Variants in SH3BP5L observed in about 807,000 individuals in gnomAD.
The protein encoded by SH3BP5L is SH3 binding domain protein 5 like, also known as SH3 domain-binding protein 5-like.
A neutral mutation model predicts 40.9 loss-of-function variants in SH3BP5L; 16 were observed. That is an observed-to-expected ratio of 0.39 (90% confidence interval 0.27 to 0.59). The LOEUF (loss-of-function observed/expected upper bound fraction) is 0.59. Ranked by LOEUF, SH3BP5L falls within the 20% of genes least tolerant of loss-of-function variation. The pLI is 0.53. For synonymous variants in SH3BP5L, 229 were observed against 226.7 expected (o/e 1.01, Z -0.09); for missense variants, 471 against 544.6 (o/e 0.86, Z 1.35).
rs754301029 is a variant in SH3BP5L, at chr1:248,814,543, C to T, written c.443G>A (p.Arg148Gln). The T allele has an allele frequency of 1.2e-6, 2 of 1,614,214 alleles. No homozygotes were observed. The highest frequency in any genetic ancestry group is 3.3e-5 in the Admixed American group (2 of 60,030). Residue 148 changes from arginine (R) to glutamine (Q), a missense_variant, in exon 5 of 7, where the codon CGA (arginine) becomes CAA (glutamine). Physicochemically the swap from Arg to Gln is conservative, Grantham distance 43 (BLOSUM62 1). Transcript: ENST00000366472. The part of the protein sequence containing the change: ...ERAVSMHNAA[R>Q]EMVFVAEQGV... ...CTGCTCAGCCACAAACACCATTTCT[C>T]GAGCAGCGTTGTGCATGCTTACGGC... is the stretch of plus-strand genomic sequence containing the variant.
intron 5 of SH3BP5L, 62 bp from the exon 6 acceptor site, chr1:248,813,224 G>A: frequency 4.2e-6 from 6 of 1,434,328 alleles, no homozygotes; most frequent in Non-Finnish European, 5.5e-6. Context: ...ATCTGCCCCA[G>A]GCTGCCAATC....
chr1:248,814,700 G>A (rs761289478), intron 4 of SH3BP5L, 90 bp from the exon 5 acceptor site: 3 of 1,351,830 alleles, frequency 2.2e-6, no homozygotes, highest in Non-Finnish European at 3.2e-6. Flanking sequence ...AAGAGAAGGA[G>A]GAAGGCCTAC....
At chr1:248,819,257 G>GTAGA (rs1353406830) in intron 2 of SH3BP5L, among the ~76,000 whole-genome samples, 2 of 152,108 alleles carry the variant, frequency 1.3e-5, no homozygotes, top group African/African-American at 4.8e-5. Context: ...CTACAACAGT[G>GTAGA]TAGACCCTGC....
intron 4 of SH3BP5L, 182 bp downstream of exon 4, chr1:248,816,352 G>C: frequency 1.6e-6 from 1 of 630,180 alleles, no homozygotes; most frequent in Non-Finnish European, 2.7e-6. Flanking sequence ...TAGACCATAA[G>C]CCCAGAGCCC....
chr1:248,817,792 G>A (rs2103015887), intron 2 of SH3BP5L, among the ~76,000 whole-genome samples: 1 of 152,290 alleles, frequency 6.6e-6, no homozygotes, highest in South Asian at 2.1e-4. Context: ...GGCAGAGGCT[G>A]CAGTGAGCCA....
intron 2 of SH3BP5L, among the ~76,000 whole-genome samples, chr1:248,822,941 G>T (rs959866845): frequency 6.6e-6 from 1 of 152,136 alleles, no homozygotes; most frequent in Non-Finnish European, 1.5e-5. Flanking sequence ...TGGGATTACA[G>T]GTGTGAGCCA....
chr1:248,822,015 C>T (rs1041995488), intron 2 of SH3BP5L, among the ~76,000 whole-genome samples: 2 of 152,166 alleles, frequency 1.3e-5, no homozygotes, highest in African/African-American at 4.8e-5. Context: ...ACATCAGAAT[C>T]CCTTCTCACC....
intron 2 of SH3BP5L, chr1:248,820,416 C>G (rs975250702): frequency 4.6e-5 from 7 of 152,252 alleles, no homozygotes; most frequent in Admixed American, 3.3e-4. Flanking sequence ...CCTGGGGGCC[C>G]AGCTTCCTGG....
intron 4 of SH3BP5L, chr1:248,815,969 TCAC>T (rs1381752286): frequency 1.9e-5 from 3 of 155,176 alleles, no homozygotes; most frequent in Non-Finnish European, 4.3e-5. Context: ...ATCTGTCACC[TCAC>T]CATACAGGAT....
intron 2 of SH3BP5L, among the ~76,000 whole-genome samples, chr1:248,819,942 T>TA (rs1196788744): frequency 1.3e-5 from 2 of 152,140 alleles, no homozygotes; most frequent in East Asian, 3.9e-4. Context: ...TAAAAAAATT[T>TA]AAAAAAAGAG....
At chr1:248,817,114 G>A (rs1664131049) in intron 2 of SH3BP5L, 1 of 1,395,200 alleles carries the variant, frequency 7.2e-7, no homozygotes, top group Non-Finnish European at 9.7e-7. Flanking sequence ...GTATTGGGTA[G>A]TAAAACCCCA....
In SH3BP5L at chr1:248,811,774, T is replaced by G. The variant is rs911142245; in HGVS notation, c.*126A>C. ...AGAGGACTCGAACACAGCTGGCCTC[T>G]CCCAGGGAAGCACTGGAGAAGGGGA... On this transcript the variant is annotated 3_prime_UTR_variant, in exon 7 of 7. Coordinates refer to ENST00000366472, the MANE Select transcript of SH3BP5L (RefSeq NM_030645.3). 14 of 723,906 alleles carry G rather than the reference T, an allele frequency of 1.9e-5. No individual in the cohort carries two copies. Among genetic ancestry groups the G allele is most frequent in the Non-Finnish European group, 2.2e-5 (10 of 452,364 alleles). 44.8% of individuals were successfully genotyped at this position (723,906 alleles called of 1,614,324 possible).
At chr1:248,820,469 C>T (rs542354511) in intron 2 of SH3BP5L, 2 of 152,222 alleles carry the variant, frequency 1.3e-5, no homozygotes, top group East Asian at 1.9e-4. Context: ...ATCTGGGAGA[C>T]GAGTGACCAG....
At chr1:248,815,238 T>C (rs372759670) in intron 4 of SH3BP5L, among the ~76,000 whole-genome samples, 1 of 152,210 alleles carries the variant, frequency 6.6e-6, no homozygotes, top group Admixed American at 6.5e-5. Context: ...GATCACACCA[T>C]TGCACTCCAG....
chr1:248,818,571 G>A (rs912336639), intron 2 of SH3BP5L, among the ~76,000 whole-genome samples: 1 of 152,242 alleles, frequency 6.6e-6, no homozygotes, highest in Non-Finnish European at 1.5e-5. Context: ...GATCCTGTGG[G>A]AGGGAGGGAG....
chr1:248,817,376 A>G (rs186980399), intron 2 of SH3BP5L, among the ~76,000 whole-genome samples: 22 of 152,284 alleles, frequency 1.4e-4, no homozygotes, highest in Non-Finnish European at 1.0e-4. Flanking sequence ...CAGGACATAG[A>G]GGTGGCAGCC....
rs766843872 is a variant in SH3BP5L at position 248,821,139 on chromosome 1, T to G, written c.183+3614A>C. 1.3e-5 allele frequency: 2 copies of G among 152,328 alleles called. No homozygotes were observed. Among genetic ancestry groups the G allele is most frequent in the Non-Finnish European group, 2.9e-5 (2 of 68,200 alleles). The allele number at this position is 152,328 out of a possible 1,614,324, so 9.4% of individuals were successfully genotyped here. A position where few individuals can be genotyped will look rare whatever the true frequency, so the allele number is the denominator to read the frequency against. ...AAGGTCACCACAGGAGGGAGGGGGA[T>G]AGCCCACCTAGGCGACACCCAGGGA... On this transcript the variant is annotated intron_variant, in intron 2 of 6. Coordinates refer to ENST00000366472, the MANE Select transcript of SH3BP5L (RefSeq NM_030645.3). This position sits in a 1 kb window ranked among gnomAD's most constrained non-coding sequence, Gnocchi z 4.6.
chr1:248,820,857 T>C (rs1274761963), intron 2 of SH3BP5L: 1 of 152,198 alleles, frequency 6.6e-6, no homozygotes, highest in Non-Finnish European at 1.5e-5. Flanking sequence ...GTCATCAACT[T>C]CCAGCTCCTG....
In SH3BP5L at chr1:248,824,969, G is replaced by A. The variant is rs1468769578; in HGVS notation, c.-34C>T. The A allele has an allele frequency of 1.9e-6, 3 of 1,586,450 alleles. No individual in the cohort carries two copies. The highest frequency in any genetic ancestry group is 1.1e-5 in the South Asian group (1 of 87,712). On this transcript the variant is annotated 5_prime_UTR_variant, in exon 2 of 7. Transcript: ENST00000366472. Reference sequence around the variant, plus strand: ...GGGGAGGGCAGAGCCCTATGCACAAGAGAGGACTGACATGCTGGGACCAGG... The same window carrying A: ...GGGGAGGGCAGAGCCCTATGCACAAAAGAGGACTGACATGCTGGGACCAGG...
Sources: allele counts gnomAD v4.1 joint callset (sites outside exome capture counted in the v4.1 genomes callset), GRCh38; gene constraint gnomAD v4.1.1; non-coding constraint Gnocchi (gnomAD v3.1); transcripts MANE v1.5; gene names NCBI Gene and HGNC (gene_info 2026-07-23, HGNC 2026-07-21).